The following MBNL2 variants were observed in gnomAD, a reference collection of about 807,000 sequenced individuals.
The protein encoded by MBNL2 is muscleblind-like protein 2.
Under a neutral mutation model 41.9 loss-of-function variants are expected in MBNL2, and 17 were observed. The ratio of observed to expected loss-of-function variants is 0.41; its 90% CI spans 0.28 to 0.61. MBNL2 has a LOEUF of 0.61. Among genes scored for constraint, MBNL2 ranks in the 20% least tolerant of loss-of-function variants. MBNL2 has a pLI of 0.35. For synonymous variants in MBNL2, 195 were observed against 182.9 expected, an observed-to-expected ratio of 1.07 and a Z score of -0.53; for missense variants, 336 against 505.6, an observed-to-expected ratio of 0.66 and a Z score of 3.22.
intron 2 of MBNL2, among the ~76,000 whole-genome samples, chr13:97,309,120 G>A (rs985672219): frequency 1.3e-5 from 2 of 152,200 alleles, no homozygotes; most frequent in Non-Finnish European, 2.9e-5. Context: ...CATGGGGTAT[G>A]TAGGGAGATA....
intron 1 of MBNL2, among the ~76,000 whole-genome samples, chr13:97,234,281 A>G (rs941822598): frequency 1.3e-5 from 2 of 152,160 alleles, no homozygotes; most frequent in Non-Finnish European, 2.9e-5. Flanking sequence ...GAGCCCCTTC[A>G]CGTACTTGAA....
intron 8 of MBNL2, among the ~76,000 whole-genome samples, chr13:97,382,581 A>C (rs2153160702): frequency 6.6e-6 from 1 of 152,288 alleles, no homozygotes; most frequent in East Asian, 1.9e-4. Context: ...TAGGAAGATA[A>C]AATCTCGGGC....
the MBNL2 span, among the ~76,000 whole-genome samples, chr13:97,171,354 G>A: frequency 1.3e-5 from 2 of 152,146 alleles, no homozygotes; most frequent in Non-Finnish European, 2.9e-5. Context: ...TATAGAACTG[G>A]AATTTGAAAG....
At position 97,378,412 on chromosome 13, in the gene MBNL2, A is replaced by C. The variant is rs146973746; in HGVS notation, c.1049-12910A>C. ...GTTTGAACCAAGTTTAACTTTAAAG[A>C]GTGGGAAATCCTGCCCTTCATGGGA... On this transcript the variant is annotated intron_variant, in intron 8 of 8. Transcript: ENST00000679496. 2.6e-5 allele frequency among the ~76,000 whole-genome samples: 4 copies of C among 152,344 alleles called. No individual in the cohort carries two copies. The East Asian group carries it at 7.7e-4, about 29-fold the overall frequency.
the MBNL2 span, among the ~76,000 whole-genome samples, chr13:97,149,611 G>C: frequency 6.6e-6 from 1 of 152,126 alleles, no homozygotes; most frequent in East Asian, 1.9e-4. Context: ...GCTTAAACAG[G>C]TAGTTCTTAT....
chr13:97,371,996 C>G (rs779045622), intron 8 of MBNL2, among the ~76,000 whole-genome samples: 3 of 152,204 alleles, frequency 2.0e-5, no homozygotes, highest in Non-Finnish European at 2.9e-5. Context: ...AAAGCTCACC[C>G]TACCTCCAAC....
At chr13:97,347,980 G>A (rs778133998) in intron 5 of MBNL2, among the ~76,000 whole-genome samples, 4 of 151,818 alleles carry the variant, frequency 2.6e-5, no homozygotes, top group Non-Finnish European at 4.4e-5. Flanking sequence ...GCTACATTTT[G>A]GAACAACCTG....
In MBNL2 at chr13:97,248,224, C is replaced by T. The variant is rs1433928106; in HGVS notation, c.-605+25693C>T. ...CTCGCCTCCACCTCCTGGGTTCAAG[C>T]GATTCTCCTGCCTCAGCCTCCCAAG... On this transcript the variant is annotated intron_variant, in intron 1 of 8. Transcript: ENST00000679496. Among the ~76,000 whole-genome samples, 7 of 152,328 alleles carry T rather than the reference C, an allele frequency of 4.6e-5. No homozygotes were observed. The East Asian group carries it at 5.8e-4, about 13-fold the overall frequency.
chr13:97,227,656 A>G (rs147956222), intron 1 of MBNL2, among the ~76,000 whole-genome samples: 1 of 152,292 alleles, frequency 6.6e-6, no homozygotes, highest in East Asian at 1.9e-4. Flanking sequence ...ACTTGGAGTT[A>G]TTGATTTTTT....
At chr13:97,288,548 G>A (rs1291614729) in intron 2 of MBNL2, among the ~76,000 whole-genome samples, 1 of 152,166 alleles carries the variant, frequency 6.6e-6, no homozygotes, top group Non-Finnish European at 1.5e-5. Context: ...AAATGCCAAG[G>A]TCTAAACAAA....
the MBNL2 span, among the ~76,000 whole-genome samples, chr13:97,188,354 C>A: frequency 6.6e-6 from 1 of 152,154 alleles, no homozygotes; most frequent in Non-Finnish European, 1.5e-5. Flanking sequence ...GCACAAATAT[C>A]AGGAATTATC....
At chr13:97,183,582 T>G in the MBNL2 span, among the ~76,000 whole-genome samples, 1 of 152,190 alleles carries the variant, frequency 6.6e-6, no homozygotes, top group Non-Finnish European at 1.5e-5. Flanking sequence ...CCTAAGCACA[T>G]AGTGGCCAGC....
At chr13:97,164,435 C>T in the MBNL2 span, among the ~76,000 whole-genome samples, 1 of 152,070 alleles carries the variant, frequency 6.6e-6, no homozygotes, top group Non-Finnish European at 1.5e-5. Flanking sequence ...TACACAGAGG[C>T]CCTTAATAAA....
intron 7 of MBNL2, among the ~76,000 whole-genome samples, chr13:97,359,545 A>C (rs2063239028): frequency 2.6e-5 from 4 of 152,220 alleles, no homozygotes; most frequent in Admixed American, 2.6e-4. Flanking sequence ...TTCCAAAGCA[A>C]GGATAAACAA....
chr13:97,374,753 C>T (rs990795137), intron 8 of MBNL2, among the ~76,000 whole-genome samples: 3 of 152,052 alleles, frequency 2.0e-5, no homozygotes, highest in Non-Finnish European at 4.4e-5. Flanking sequence ...TATTCCCAGT[C>T]GTATTTTGGC....
intron 1 of MBNL2, among the ~76,000 whole-genome samples, chr13:97,248,304 A>G (rs537143243): frequency 6.6e-6 from 1 of 152,096 alleles, no homozygotes; most frequent in Admixed American, 6.5e-5. Context: ...GTATTTTTGT[A>G]TTTTGTATTT....
chr13:97,230,492 T>G (rs2042231527), intron 1 of MBNL2, among the ~76,000 whole-genome samples: 1 of 152,074 alleles, frequency 6.6e-6, no homozygotes, highest in African/African-American at 2.4e-5. Flanking sequence ...AAATACAAGC[T>G]CAGACACACC....
At chr13:97,339,818 C>G (rs374367246) in intron 3 of MBNL2, among the ~76,000 whole-genome samples, 2 of 150,804 alleles carry the variant, frequency 1.3e-5, no homozygotes, top group African/African-American at 2.5e-5. Context: ...CAACTCTCCA[C>G]CAAACGCTCT....
At chr13:97,317,113 G>A (rs59195107) in intron 2 of MBNL2, among the ~76,000 whole-genome samples, 19,736 of 152,126 alleles carry the variant, frequency 0.13, 2,358 homozygotes, top group African/African-American at 0.32. Context: ...AGGAGACAGG[G>A]TGGGTATGTA....
Sources: allele counts gnomAD v4.1 joint callset (sites outside exome capture counted in the v4.1 genomes callset), GRCh38; gene constraint gnomAD v4.1.1; transcripts MANE v1.5; gene names NCBI Gene and HGNC (gene_info 2026-07-23, HGNC 2026-07-21).